Variants in PMF1 observed in about 807,000 individuals in gnomAD.
PMF1 encodes the protein polyamine modulated factor 1, also known as polyamine-modulated factor 1.
PMF1 carries 21 observed loss-of-function variants against 26.7 expected under a neutral mutation model. The observed-to-expected ratio is 0.79, with a 90% CI of 0.56 to 1.13. The LOEUF is 1.13. Ranked by LOEUF, PMF1 falls within the 50% of genes most tolerant of loss-of-function variation. The pLI is 0.00. For synonymous variants in PMF1, 105 were observed against 101.0 expected (o/e 1.04, Z -0.24); for missense variants, 266 against 254.9 (o/e 1.04, Z -0.30).
rs71080753 is a variant in PMF1 at position 156,231,216 on chromosome 1, CAAAAAAAAAAAA to C, written c.162-1088_162-1077del. 2.5e-3 allele frequency among the ~76,000 whole-genome samples: 122 copies of C among 48,418 alleles called. 4 individuals carry two copies. In the East Asian group the frequency reaches 0.073, roughly 29 times the overall value. The allele number at this position is 48,418 out of a possible 152,430, so 31.8% of individuals were successfully genotyped here. A position where few individuals can be genotyped will look rare whatever the true frequency, so the allele number is the denominator to read the frequency against. On this transcript the variant is annotated intron_variant, in intron 1 of 4. Coordinates refer to ENST00000368277, the MANE Select transcript of PMF1 (RefSeq NM_007221.4). Reference sequence around the variant, plus strand: ...TGGGCGACAGAGCAAGACTCCATCTCAAAAAAAAAAAAAAAAAAAAAAAAAAAGAATTAGCTG... The same window carrying C: ...TGGGCGACAGAGCAAGACTCCATCTCAAAAAAAAAAAAAAAGAATTAGCTG...
intron 1 of PMF1, chr1:156,225,455 A>C (rs556438937): frequency 3.7e-4 from 212 of 567,824 alleles, no homozygotes; most frequent in Middle Eastern, 4.2e-4. Flanking sequence ...CCCCCCTCCC[A>C]CCCTTTCCCC....
Position 156,239,703 on chromosome 1 carries a change from G to A in PMF1, c.*102G>A. ...TACCTCTGAGAACGGCTGAAATGGT[G>A]CCCAGTCCATCAGCAGTGATGGAAT... is the stretch of plus-strand genomic sequence containing the variant. On this transcript the variant is annotated 3_prime_UTR_variant, in exon 5 of 5. Coordinates refer to ENST00000368277, the MANE Select transcript of PMF1 (RefSeq NM_007221.4). The A allele has an allele frequency of 2.2e-6, 2 of 917,080 alleles. No homozygotes were observed. Among genetic ancestry groups the A allele is most frequent in the Admixed American group, 1.9e-5 (1 of 53,698 alleles). The allele number at this position is 917,080 out of a possible 1,614,324, so 56.8% of individuals were successfully genotyped here. A position where few individuals can be genotyped will look rare whatever the true frequency, so the allele number is the denominator to read the frequency against.
At chr1:156,223,947 G>C (rs556775634) in intron 1 of PMF1, 1 of 152,172 alleles carries the variant, frequency 6.6e-6, no homozygotes, top group Non-Finnish European at 1.5e-5. Flanking sequence ...TGCTCAGTAA[G>C]TATCTATTAA....
Position 156,236,747 on chromosome 1 carries a change from G to C in PMF1, c.564+264G>C. On this transcript the variant is annotated intron_variant, in intron 4 of 4. Coordinates refer to ENST00000368277, the MANE Select transcript of PMF1 (RefSeq NM_007221.4). ...CAGGTGAGGACCCAGGCCCAGAGAGGGCAGGTGAGTCACCCAAGGTAACAG... is the reference window on the plus strand; with the variant it reads ...CAGGTGAGGACCCAGGCCCAGAGAGCGCAGGTGAGTCACCCAAGGTAACAG... 3 of 500,496 alleles carry C rather than the reference G, an allele frequency of 6.0e-6. No individual in the cohort carries two copies. In the South Asian group the frequency reaches 1.0e-4, roughly 17 times the overall value. 31.0% of individuals were successfully genotyped at this position (500,496 alleles called of 1,614,324 possible). A position where few individuals can be genotyped will look rare whatever the true frequency, so the allele number is the denominator to read the frequency against.
chr1:156,230,992 G>C (rs1170465515), intron 1 of PMF1, among the ~76,000 whole-genome samples: 4 of 152,088 alleles, frequency 2.6e-5, no homozygotes, highest in Non-Finnish European at 5.9e-5. Flanking sequence ...GAGATGGGCG[G>C]ATCACGAGGT....
Position 156,225,632 on chromosome 1 carries a change from C to T in PMF1, c.162-6688C>T, listed in dbSNP as rs143866378. On this transcript the variant is annotated intron_variant, in intron 1 of 4. Coordinates refer to ENST00000368277, the MANE Select transcript of PMF1 (RefSeq NM_007221.4). Reference sequence around the variant, plus strand: ...GTGGACAGTCTGTGAAACAGGCCTTCAGTTGGGCGGCGTGCAGGTTACCAC... The same window carrying T: ...GTGGACAGTCTGTGAAACAGGCCTTTAGTTGGGCGGCGTGCAGGTTACCAC... 8.5e-4 allele frequency: 1,334 copies of T among 1,562,984 alleles called. 12 individuals carry two copies. The African/African-American group carries it at 0.016, about 19-fold the overall frequency.
chr1:156,216,796 G>A (rs956709009), intron 1 of PMF1, among the ~76,000 whole-genome samples: 6 of 151,942 alleles, frequency 3.9e-5, no homozygotes, highest in African/African-American at 1.4e-4. Flanking sequence ...CCCCTTCCCC[G>A]GAGTGGGGAG....
intron 1 of PMF1, among the ~76,000 whole-genome samples, chr1:156,217,247 A>G (rs7534813): frequency 0.036 from 1,964 of 54,010 alleles, 59 homozygotes; most frequent in African/African-American, 0.21. Context: ...AAAAAAAAAG[A>G]AAAAAAAAAA....
intron 3 of PMF1, among the ~76,000 whole-genome samples, chr1:156,236,082 CTA>C (rs1658991053): frequency 6.6e-6 from 1 of 152,138 alleles, no homozygotes; most frequent in African/African-American, 2.4e-5. Context: ...AGGTGGACCC[CTA>C]AGCATTGAAA....
chr1:156,235,158 T>G (rs545235333), intron 3 of PMF1, among the ~76,000 whole-genome samples: 1 of 152,052 alleles, frequency 6.6e-6, no homozygotes, highest in Admixed American at 6.6e-5. Context: ...CTCACTCATT[T>G]GTCCAGGCCA....
At chr1:156,231,917 A>G (rs1482486845) in intron 1 of PMF1, among the ~76,000 whole-genome samples, 4 of 152,098 alleles carry the variant, frequency 2.6e-5, no homozygotes, top group Non-Finnish European at 4.4e-5. Context: ...GAGTAAGCCA[A>G]TCTCTCCCAG....
At chr1:156,239,077 C>A (rs931757603) in intron 4 of PMF1, among the ~76,000 whole-genome samples, 2 of 152,166 alleles carry the variant, frequency 1.3e-5, no homozygotes, top group African/African-American at 2.4e-5. Context: ...CAGGGCCTCA[C>A]CAGCTCTGAG....
At chr1:156,214,324 C>T (rs1364191363) in intron 1 of PMF1, among the ~76,000 whole-genome samples, 3 of 152,200 alleles carry the variant, frequency 2.0e-5, no homozygotes, top group Non-Finnish European at 4.4e-5. Flanking sequence ...CACAGCCTCT[C>T]CTTCTCTAGC....
chr1:156,222,383 C>CTT (rs11432585), intron 1 of PMF1, among the ~76,000 whole-genome samples: 41 of 150,528 alleles, frequency 2.7e-4, no homozygotes, highest in Admixed American at 9.9e-4. Flanking sequence ...TGAATACATA[C>CTT]TTTTTTTTTT....
chr1:156,239,532 C>T lies in PMF1; in HGVS notation c.565-16C>T, dbSNP rs759053032. 153 of 1,610,566 alleles carry T rather than the reference C, an allele frequency of 9.5e-5. No homozygotes were observed. The highest frequency in any genetic ancestry group is 3.5e-4 in the Middle Eastern group (2 of 5,650). On this transcript the variant is annotated splice_polypyrimidine_tract_variant and intron_variant, in intron 4 of 4. Coordinates refer to ENST00000368277, the MANE Select transcript of PMF1 (RefSeq NM_007221.4). ...TCTTAGATCCCAGTTTGTCTGTTGT[C>T]TCCCATTGATTTCAGGCTCTACACA...
At chr1:156,220,607 A>C (rs932011746) in intron 1 of PMF1, 1 of 151,976 alleles carries the variant, frequency 6.6e-6, no homozygotes, top group Non-Finnish European at 1.5e-5. Context: ...GTTGCTAAAT[A>C]CTTTGGAGAT....
intron 3 of PMF1, among the ~76,000 whole-genome samples, chr1:156,235,587 A>G (rs1401687546): frequency 2.0e-5 from 3 of 150,230 alleles, no homozygotes; most frequent in South Asian, 2.1e-4. Flanking sequence ...GACTACAGGC[A>G]CCCAACACCA....
At chr1:156,221,626 G>T (rs928434077) in intron 1 of PMF1, among the ~76,000 whole-genome samples, 2 of 152,024 alleles carry the variant, frequency 1.3e-5, no homozygotes, top group Admixed American at 6.6e-5. Flanking sequence ...AGATAAATGG[G>T]GATTCCCAAG....
chr1:156,217,727 C>CAAAAA (rs10659605), intron 1 of PMF1, among the ~76,000 whole-genome samples: 1 of 83,334 alleles, frequency 1.2e-5, no homozygotes. Context: ...GTCTCCAACT[C>CAAAAA]AAAAAAAAAA....
Sources: allele counts gnomAD v4.1 joint callset (sites outside exome capture counted in the v4.1 genomes callset), GRCh38; gene constraint gnomAD v4.1.1; transcripts MANE v1.5; gene names NCBI Gene and HGNC (gene_info 2026-07-23, HGNC 2026-07-21).